NELL1: variants seen among roughly 807,000 people sequenced by gnomAD.
NELL1 encodes the protein protein kinase C-binding protein NELL1.
In NELL1, 76 loss-of-function variants were observed where a neutral mutation model predicts 107.4. The ratio of observed to expected loss-of-function variants is 0.71; its 90% CI spans 0.59 to 0.86. The LOEUF is 0.86. Ranked by LOEUF, NELL1 falls within the 40% of genes least tolerant of loss-of-function variation. The pLI is 0.00. For synonymous variants in NELL1, 353 were observed against 341.2 expected (o/e 1.03, Z -0.38); for missense variants, 1,024 against 1,005.5 (o/e 1.02, Z -0.25).
chr11:21,141,120 G>T (rs188663462), intron 13 of NELL1, among the ~76,000 whole-genome samples: 139 of 152,250 alleles, frequency 9.1e-4, no homozygotes, highest in Non-Finnish European at 6.9e-4. Context: ...ATTCCAGCTT[G>T]TACCCATATG....
intron 3 of NELL1, among the ~76,000 whole-genome samples, chr11:20,814,301 T>C (rs1443585333): frequency 6.6e-6 from 1 of 152,198 alleles, no homozygotes; most frequent in Non-Finnish European, 1.5e-5. Context: ...GCCTAAAATT[T>C]CAACATTTAT....
intron 12 of NELL1, among the ~76,000 whole-genome samples, chr11:21,103,037 C>A (rs578068893): frequency 1.3e-5 from 2 of 152,120 alleles, no homozygotes; most frequent in South Asian, 4.1e-4. Flanking sequence ...GAAAAAGTAA[C>A]GTAACTAGTC....
intron 14 of NELL1, among the ~76,000 whole-genome samples, chr11:21,315,138 T>C (rs1015540580): frequency 1.3e-5 from 2 of 152,210 alleles, no homozygotes; most frequent in South Asian, 2.1e-4. Context: ...ATTACAGGCA[T>C]GAGCCACCAT....
intron 12 of NELL1, among the ~76,000 whole-genome samples, chr11:21,039,240 C>T (rs2134328755): frequency 6.6e-6 from 1 of 151,918 alleles, no homozygotes; most frequent in South Asian, 2.1e-4. Flanking sequence ...GGCTGGAGTG[C>T]ACTGGTGCAA....
In NELL1 at chr11:20,995,555, G is replaced by A. The variant is rs137946850; in HGVS notation, c.1300+34995G>A. ...ATCGCACCACTGCACTCCAGCCTGAGCAGCAGAGCGAGACTCCATTAAAAA... is the reference window on the plus strand; with the variant it reads ...ATCGCACCACTGCACTCCAGCCTGAACAGCAGAGCGAGACTCCATTAAAAA... On this transcript the variant is annotated intron_variant, in intron 12 of 19. Transcript: ENST00000357134. Among the ~76,000 whole-genome samples, 427 of 151,748 alleles carry A rather than the reference G, an allele frequency of 2.8e-3. 7 individuals carry two copies. Among genetic ancestry groups the A allele is most frequent in the Admixed American group, 0.024 (361 of 15,230 alleles).
intron 12 of NELL1, among the ~76,000 whole-genome samples, chr11:21,108,578 G>C (rs970889748): frequency 6.6e-6 from 1 of 152,084 alleles, no homozygotes; most frequent in Non-Finnish European, 1.5e-5. Flanking sequence ...CTGCAATGGG[G>C]TTTATAGATG....
intron 15 of NELL1, among the ~76,000 whole-genome samples, chr11:21,520,348 A>G (rs1855687429): frequency 6.6e-6 from 1 of 152,144 alleles, no homozygotes; most frequent in Admixed American, 6.5e-5. Flanking sequence ...TGAACCCAGT[A>G]ACTACTTCAG....
At chr11:20,842,905 ACT>A (rs1296035127) in intron 3 of NELL1, among the ~76,000 whole-genome samples, 1 of 152,132 alleles carries the variant, frequency 6.6e-6, no homozygotes, top group East Asian at 1.9e-4. Flanking sequence ...AATGATTAGT[ACT>A]CACTAAGTAT....
chr11:21,066,877 C>T (rs1406180994), intron 12 of NELL1, among the ~76,000 whole-genome samples: 1 of 151,966 alleles, frequency 6.6e-6, no homozygotes, highest in Admixed American at 6.6e-5. Flanking sequence ...TCGCTTGAAC[C>T]CAGGAGGCAG....
intron 16 of NELL1, among the ~76,000 whole-genome samples, chr11:21,539,181 C>T (rs1856224495): frequency 6.6e-6 from 1 of 152,038 alleles, no homozygotes; most frequent in African/African-American, 2.4e-5. Flanking sequence ...GCCATGTGCT[C>T]CCAAACTCCT....
chr11:20,942,891 A>G (rs879453232), intron 10 of NELL1, among the ~76,000 whole-genome samples: 2 of 152,182 alleles, frequency 1.3e-5, no homozygotes, highest in Non-Finnish European at 2.9e-5. Flanking sequence ...AGCAAGGGTC[A>G]CTATTATGAT....
intron 12 of NELL1, among the ~76,000 whole-genome samples, chr11:21,050,187 G>A (rs1853458636): frequency 6.6e-6 from 1 of 152,094 alleles, no homozygotes; most frequent in Admixed American, 6.6e-5. Context: ...TAGCACATGA[G>A]ATAATATGTA....
intron 11 of NELL1, among the ~76,000 whole-genome samples, chr11:20,952,465 T>G (rs1039584390): frequency 1.3e-5 from 2 of 152,148 alleles, no homozygotes; most frequent in South Asian, 4.1e-4. Flanking sequence ...TGGGTGAATT[T>G]ATAATTGAAA....
chr11:21,230,767 A>C (rs1289290079), intron 14 of NELL1, among the ~76,000 whole-genome samples: 1 of 152,232 alleles, frequency 6.6e-6, no homozygotes, highest in Non-Finnish European at 1.5e-5. Context: ...AGGTGAGGTA[A>C]GCAGAAAGCC....
chr11:21,184,827 T>C (rs1054096311), intron 13 of NELL1, among the ~76,000 whole-genome samples: 8 of 151,892 alleles, frequency 5.3e-5, no homozygotes, highest in Non-Finnish European at 1.0e-4. Context: ...AATGGAAAGT[T>C]TGAAGCCATC....
At chr11:20,806,984 C>T (rs183745712) in intron 3 of NELL1, among the ~76,000 whole-genome samples, 1 of 151,536 alleles carries the variant, frequency 6.6e-6, no homozygotes, top group East Asian at 1.9e-4. Context: ...CTTAAAACAA[C>T]TATTTCGAAT....
At chr11:20,697,228 C>T (rs914946984) in intron 2 of NELL1, among the ~76,000 whole-genome samples, 5 of 152,026 alleles carry the variant, frequency 3.3e-5, no homozygotes, top group African/African-American at 1.2e-4. Flanking sequence ...TTTGGAACAC[C>T]TCTGCTTTGC....
chr11:21,251,421 C>G (rs772704039), intron 14 of NELL1, among the ~76,000 whole-genome samples: 3 of 152,040 alleles, frequency 2.0e-5, no homozygotes, highest in Non-Finnish European at 4.4e-5. Context: ...AAGATCCAAG[C>G]ATATAAATCC....
At chr11:20,688,386 C>T (rs1443281529) in intron 2 of NELL1, among the ~76,000 whole-genome samples, 2 of 152,064 alleles carry the variant, frequency 1.3e-5, no homozygotes, top group Non-Finnish European at 2.9e-5. Context: ...TCAATATCTT[C>T]CCCCTCTCGT....
Sources: gnomAD v4.1 joint callset for allele counts (sites outside exome capture counted in the v4.1 genomes callset) on GRCh38, gnomAD v4.1.1 for gene constraint, MANE v1.5 for transcripts, NCBI Gene and HGNC (gene_info 2026-07-23, HGNC 2026-07-21) for gene names.